The following CTNNA2 variants were observed in gnomAD, a reference collection of about 807,000 sequenced individuals.
CTNNA2 encodes the protein catenin alpha 2, also known as catenin alpha-2.
CTNNA2 carries 42 observed loss-of-function variants against 101.0 expected under a neutral mutation model. The ratio of observed to expected loss-of-function variants is 0.42; its 90% CI spans 0.32 to 0.54. The LOEUF (loss-of-function observed/expected upper bound fraction) is 0.54. CTNNA2 is among the 20% of genes least tolerant of loss of function. The probability of loss-of-function intolerance (pLI) is 0.14; values close to 1 mark genes in which losing one functional copy is unlikely to be tolerated. For missense variants in CTNNA2, 871 were observed against 1,223.1 expected (o/e 0.71, Z 4.29); for synonymous variants, 450 against 456.4 (o/e 0.99, Z 0.18).
chr2:80,463,265 A>T (rs1684597312), intron 9 of CTNNA2, among the ~76,000 whole-genome samples: 1 of 152,180 alleles, frequency 6.6e-6, no homozygotes, highest in African/African-American at 2.4e-5. Context: ...CCAGTAACAT[A>T]GACATGTGAG....
intron 7 of CTNNA2, among the ~76,000 whole-genome samples, chr2:80,260,187 C>T (rs1239428629): frequency 6.6e-6 from 1 of 152,150 alleles, no homozygotes; most frequent in Non-Finnish European, 1.5e-5. Context: ...CAGCCCTGAG[C>T]CTGCACTCTC....
rs1676527735 is a variant in CTNNA2 at position 79,586,855 on chromosome 2, T to C, written c.-5-64697T>C. 2.6e-5 allele frequency among the ~76,000 whole-genome samples: 4 copies of C among 151,598 alleles called. No homozygotes were observed. The South Asian group carries it at 8.4e-4, about 32-fold the overall frequency. On this transcript the variant is annotated intron_variant, in intron 1 of 18. Coordinates refer to ENST00000402739, the MANE Select transcript of CTNNA2 (RefSeq NM_001282597.3). ...TCCTTCTGAGTCCTCAGAGTTCATCTTCTCATTCTTATGCCTTTGCATCCT... is the reference window on the plus strand; with the variant it reads ...TCCTTCTGAGTCCTCAGAGTTCATCCTCTCATTCTTATGCCTTTGCATCCT...
chr2:79,538,754 G>C (rs1476534404), intron 1 of CTNNA2, among the ~76,000 whole-genome samples: 2 of 152,180 alleles, frequency 1.3e-5, no homozygotes, highest in Non-Finnish European at 2.9e-5. Flanking sequence ...ATTTTATATG[G>C]TCTTAAATGC....
At chr2:79,614,209 G>A (rs1334997775) in intron 1 of CTNNA2, among the ~76,000 whole-genome samples, 1 of 152,048 alleles carries the variant, frequency 6.6e-6, no homozygotes, top group Non-Finnish European at 1.5e-5. Flanking sequence ...TCTTTAATAT[G>A]TTATATCAGT....
At chr2:79,497,122 A>C (rs1217105986) in intron 4 of CTNNA2, among the ~76,000 whole-genome samples, 1 of 152,210 alleles carries the variant, frequency 6.6e-6, no homozygotes, top group African/African-American at 2.4e-5. Context: ...AACGTGTACC[A>C]TAATTGGAAG....
At chr2:80,310,639 A>G (rs182817262) in intron 7 of CTNNA2, among the ~76,000 whole-genome samples, 2 of 152,332 alleles carry the variant, frequency 1.3e-5, no homozygotes, top group East Asian at 1.9e-4. Context: ...GAGTTTGCTT[A>G]CATTACTCCT....
At chr2:80,642,048 G>A (rs1449235490) in intron 18 of CTNNA2, among the ~76,000 whole-genome samples, 1 of 152,056 alleles carries the variant, frequency 6.6e-6, no homozygotes, top group African/African-American at 2.4e-5. Flanking sequence ...TCACCTAGAT[G>A]TAACATACAC....
chr2:79,991,403 T>C (rs1384991876), intron 7 of CTNNA2, among the ~76,000 whole-genome samples: 6 of 152,188 alleles, frequency 3.9e-5, no homozygotes, highest in South Asian at 2.1e-4. Context: ...ACATAATTTT[T>C]TGATACATGA....
chr2:79,957,778 A>G (rs1689342272), intron 7 of CTNNA2, among the ~76,000 whole-genome samples: 1 of 152,220 alleles, frequency 6.6e-6, no homozygotes, highest in African/African-American at 2.4e-5. Context: ...GCAGTACTAT[A>G]TGAAGGCTTT....
At chr2:80,228,558 A>G (rs925023802) in intron 7 of CTNNA2, among the ~76,000 whole-genome samples, 1 of 152,166 alleles carries the variant, frequency 6.6e-6, no homozygotes, top group Non-Finnish European at 1.5e-5. Context: ...TCATAAGATT[A>G]TAATACCCTA....
chr2:80,254,997 GA>G (rs1672031253), intron 7 of CTNNA2, among the ~76,000 whole-genome samples: 2 of 152,094 alleles, frequency 1.3e-5, no homozygotes, highest in Middle Eastern at 3.4e-3. Flanking sequence ...TGAACATAAT[GA>G]GCTCAAGCTT....
chr2:80,057,090 C>T (rs568505125), intron 7 of CTNNA2, among the ~76,000 whole-genome samples: 1 of 151,808 alleles, frequency 6.6e-6, no homozygotes, highest in South Asian at 2.1e-4. Flanking sequence ...TGTAAGGCCT[C>T]ATTCTGTTTA....
chr2:80,225,205 A>G, intron 7 of CTNNA2, among the ~76,000 whole-genome samples: 1 of 152,154 alleles, frequency 6.6e-6, no homozygotes. Context: ...CAGAGCTCCA[A>G]CCTGGCCATG....
At chr2:79,518,378 G>T (rs1464903351) in intron 1 of CTNNA2, among the ~76,000 whole-genome samples, 1 of 152,156 alleles carries the variant, frequency 6.6e-6, no homozygotes, top group Non-Finnish European at 1.5e-5. Flanking sequence ...TCCTTGAGTT[G>T]TATATGGTCT....
At chr2:79,731,347 G>A (rs774028999) in intron 2 of CTNNA2, among the ~76,000 whole-genome samples, 1 of 152,002 alleles carries the variant, frequency 6.6e-6, no homozygotes. Flanking sequence ...GTACTCTCGA[G>A]TCATCTACAG....
At chr2:80,635,971 C>CATTT (rs765132301) in intron 18 of CTNNA2, among the ~76,000 whole-genome samples, 12 of 115,650 alleles carry the variant, frequency 1.0e-4, no homozygotes, top group Admixed American at 1.8e-4. Flanking sequence ...ATGCCCATTG[C>CATTT]TTTTTTTTTT....
At chr2:80,489,460 T>C (rs1686862167) in intron 9 of CTNNA2, among the ~76,000 whole-genome samples, 1 of 152,180 alleles carries the variant, frequency 6.6e-6, no homozygotes, top group Non-Finnish European at 1.5e-5. Context: ...TAATGTATTC[T>C]AGGTTCTTTC....
chr2:79,915,982 G>T (rs1010210448), intron 7 of CTNNA2, among the ~76,000 whole-genome samples: 1 of 152,088 alleles, frequency 6.6e-6, no homozygotes, highest in African/African-American at 2.4e-5. Context: ...CTCCCATATG[G>T]GAAGCATGAA....
intron 7 of CTNNA2, among the ~76,000 whole-genome samples, chr2:79,962,348 A>G (rs888363349): frequency 1.3e-5 from 2 of 152,234 alleles, no homozygotes; most frequent in Non-Finnish European, 2.9e-5. Context: ...TTAGGAGGGC[A>G]TCTAATCGTA....
Sources: allele counts gnomAD v4.1 joint callset (sites outside exome capture counted in the v4.1 genomes callset), GRCh38; gene constraint gnomAD v4.1.1; transcripts MANE v1.5; gene names NCBI Gene and HGNC (gene_info 2026-07-23, HGNC 2026-07-21).